The following LRRTM4 variants were observed in gnomAD, a reference collection of about 807,000 sequenced individuals.
The protein encoded by LRRTM4 is leucine rich repeat transmembrane neuronal 4, also known as leucine-rich repeat transmembrane neuronal protein 4.
LRRTM4 carries 25 observed loss-of-function variants against 47.6 expected under a neutral mutation model. The ratio of observed to expected loss-of-function variants is 0.53; its 90% CI spans 0.38 to 0.73. LRRTM4 has a LOEUF of 0.73. Among genes scored for constraint, LRRTM4 ranks in the 30% least tolerant of loss-of-function variants. The pLI, the probability that LRRTM4 is intolerant of heterozygous loss-of-function variation, is 0.00. For missense variants in LRRTM4, 638 were observed against 713.4 expected (o/e 0.89, Z 1.20); for synonymous variants, 311 against 269.5 (o/e 1.15, Z -1.51).
chr2:76,988,983 T>C (rs1264020521), intron 3 of LRRTM4, among the ~76,000 whole-genome samples: 1 of 151,908 alleles, frequency 6.6e-6, no homozygotes, highest in East Asian at 1.9e-4. Flanking sequence ...GTATTATCAA[T>C]TATTATGAAA....
intron 3 of LRRTM4, among the ~76,000 whole-genome samples, chr2:77,229,062 G>A (rs1674894457): frequency 6.6e-6 from 1 of 152,026 alleles, no homozygotes; most frequent in African/African-American, 2.4e-5. Context: ...CCTAGCAGCA[G>A]CATTTGGCAG....
chr2:76,987,104 T>C (rs1676825075), intron 3 of LRRTM4, among the ~76,000 whole-genome samples: 1 of 151,964 alleles, frequency 6.6e-6, no homozygotes, highest in Non-Finnish European at 1.5e-5. Context: ...GGAATAACAA[T>C]TCTTATTTAT....
rs185819062 is a variant in LRRTM4 at position 77,231,236 on chromosome 2, G to C, written c.1551+287082C>G. The stretch of plus-strand genomic sequence containing the variant: ...ACACACACACATGCACACACACACA[G>C]ATGCACACACACACAGATGCACACA... On this transcript the variant is annotated intron_variant, in intron 3 of 3. Transcript: ENST00000409884. Among the ~76,000 whole-genome samples, 289 of 150,814 alleles carry C rather than the reference G, an allele frequency of 1.9e-3. 3 individuals carry two copies. The highest frequency in any genetic ancestry group is 6.6e-3 in the African/African-American group (271 of 41,174).
intron 3 of LRRTM4, among the ~76,000 whole-genome samples, chr2:76,853,337 T>A (rs1043846370): frequency 2.0e-5 from 3 of 152,134 alleles, no homozygotes; most frequent in Non-Finnish European, 4.4e-5. Flanking sequence ...TCCCTCTAGA[T>A]TGTTTTTCCT....
chr2:76,805,578 C>T (rs1675925544), intron 3 of LRRTM4, among the ~76,000 whole-genome samples: 1 of 152,088 alleles, frequency 6.6e-6, no homozygotes, highest in Admixed American at 6.6e-5. Context: ...CCAGTGAGAA[C>T]AAGGAAGCAT....
intron 3 of LRRTM4, among the ~76,000 whole-genome samples, chr2:77,477,581 G>A (rs758035361): frequency 5.9e-5 from 9 of 151,864 alleles, no homozygotes; most frequent in Non-Finnish European, 8.8e-5. Flanking sequence ...AGTGGCTCAC[G>A]CCTGTAATCC....
intron 3 of LRRTM4, among the ~76,000 whole-genome samples, chr2:77,033,047 A>C (rs576249015): frequency 6.6e-6 from 1 of 152,204 alleles, no homozygotes; most frequent in African/African-American, 2.4e-5. Context: ...CTCTCGGGAC[A>C]ATCACAATCA....
chr2:76,910,626 T>G (rs1042715151), intron 3 of LRRTM4, among the ~76,000 whole-genome samples: 11 of 152,212 alleles, frequency 7.2e-5, no homozygotes, highest in Non-Finnish European at 1.3e-4. Flanking sequence ...GAGCTAGTAT[T>G]AAATTTTTTA....
chr2:77,288,603 A>T (rs1676728478), intron 3 of LRRTM4, among the ~76,000 whole-genome samples: 1 of 152,102 alleles, frequency 6.6e-6, no homozygotes, highest in Non-Finnish European at 1.5e-5. Flanking sequence ...CATTTTATCT[A>T]TAAAGATATA....
chr2:76,928,547 T>G (rs1424242103), intron 3 of LRRTM4, among the ~76,000 whole-genome samples: 14 of 152,108 alleles, frequency 9.2e-5, no homozygotes, highest in Admixed American at 9.2e-4. Context: ...AGGGCAAATA[T>G]GGGTTCATGC....
chr2:77,090,920 G>C (rs1302340463), intron 3 of LRRTM4, among the ~76,000 whole-genome samples: 2 of 152,040 alleles, frequency 1.3e-5, no homozygotes, highest in African/African-American at 4.8e-5. Context: ...ACAGTGGAAG[G>C]TAAGCCCATC....
chr2:77,389,051 C>A (rs1673401894), intron 3 of LRRTM4, among the ~76,000 whole-genome samples: 1 of 151,778 alleles, frequency 6.6e-6, no homozygotes, highest in South Asian at 2.1e-4. Context: ...TAATGTCAAA[C>A]AAAATATTAG....
intron 3 of LRRTM4, among the ~76,000 whole-genome samples, chr2:77,296,845 G>C (rs1309774365): frequency 6.6e-6 from 1 of 152,100 alleles, no homozygotes; most frequent in Non-Finnish European, 1.5e-5. Flanking sequence ...GCAGTACTTT[G>C]GTAAAGGAAT....
intron 3 of LRRTM4, among the ~76,000 whole-genome samples, chr2:77,442,719 G>T (rs1279500095): frequency 6.6e-6 from 1 of 152,170 alleles, no homozygotes; most frequent in East Asian, 1.9e-4. Flanking sequence ...GAATTCAATG[G>T]TGAGCAACAA....
chr2:77,450,010 A>G (rs1324145403), intron 3 of LRRTM4, among the ~76,000 whole-genome samples: 1 of 152,178 alleles, frequency 6.6e-6, no homozygotes, highest in Non-Finnish European at 1.5e-5. Flanking sequence ...AACAAGTCAG[A>G]AACACTTGGC....
chr2:77,010,501 T>TAAACAC (rs1553444494), intron 3 of LRRTM4, among the ~76,000 whole-genome samples: 1 of 139,836 alleles, frequency 7.2e-6, no homozygotes, highest in Non-Finnish European at 1.6e-5. Context: ...TTGTATTGTT[T>TAAACAC]ACACACACAC....
In LRRTM4 at chr2:77,407,059, T is replaced by G. The variant is rs904318591; in HGVS notation, c.1551+111259A>C. On this transcript the variant is annotated intron_variant, in intron 3 of 3. Coordinates refer to ENST00000409884, the MANE Select transcript of LRRTM4 (RefSeq NM_001134745.3). ...TAATTTCTAATTGTAAGGGAATAATTTATTCCTTACGACGAGATTATCGAA... is the reference window on the plus strand; with the variant it reads ...TAATTTCTAATTGTAAGGGAATAATGTATTCCTTACGACGAGATTATCGAA... 7.9e-5 allele frequency among the ~76,000 whole-genome samples: 12 copies of G among 152,238 alleles called. No individual in the cohort carries two copies. The South Asian group carries it at 2.5e-3, about 32-fold the overall frequency.
At chr2:76,986,405 C>A (rs1288713211) in intron 3 of LRRTM4, among the ~76,000 whole-genome samples, 1 of 151,772 alleles carries the variant, frequency 6.6e-6, no homozygotes, top group East Asian at 1.9e-4. Context: ...AGAGCTAAAT[C>A]AGAAGCCCTC....
Position 76,850,105 on chromosome 2 carries a change from C to T in LRRTM4, c.1552-101189G>A, listed in dbSNP as rs143018423. On this transcript the variant is annotated intron_variant, in intron 3 of 3. Transcript: ENST00000409884. Reference sequence around the variant, plus strand: ...TTTTAGACCTTTCTCAAATGAACTTCAGTTTTTCCATTTTGTGTCTCAGAA... The same window carrying T: ...TTTTAGACCTTTCTCAAATGAACTTTAGTTTTTCCATTTTGTGTCTCAGAA... 3.2e-3 allele frequency among the ~76,000 whole-genome samples: 488 copies of T among 152,226 alleles called. 3 individuals carry two copies. The highest frequency in any genetic ancestry group is 0.011 in the African/African-American group (459 of 41,548).
Sources: gnomAD v4.1 joint callset for allele counts (sites outside exome capture counted in the v4.1 genomes callset) on GRCh38, gnomAD v4.1.1 for gene constraint, MANE v1.5 for transcripts, NCBI Gene and HGNC (gene_info 2026-07-23, HGNC 2026-07-21) for gene names.